LITAFD: variants seen among roughly 807,000 people sequenced by gnomAD.
LITAFD encodes lITAF domain-containing protein.
exon 1 of LITAFD, chr16:8,882,440 A>C (rs1466919418): frequency 1.3e-5 from 2 of 152,540 alleles, no homozygotes; most frequent in Non-Finnish European, 2.9e-5. Context: ...CGGAGCTCAG[A>C]ACACGGTGCT....
chr16:8,884,229 C>T (rs1037200027), intron 2 of LITAFD, 94 bp from the exon 3 acceptor site: 5 of 397,222 alleles, frequency 1.3e-5, no homozygotes, highest in Middle Eastern at 1.2e-3. Context: ...ATCTCCCCAT[C>T]TCAGGTGAGC....
chr16:8,884,070 TAAA>T (rs1004216008), intron 2 of LITAFD, among the ~76,000 whole-genome samples: 6 of 151,396 alleles, frequency 4.0e-5, no homozygotes, highest in African/African-American at 1.5e-4. Context: ...GTCTCCAAAA[TAAA>T]AAGAAAAAAG....
At chr16:8,883,635 C>T (rs988437915) in intron 2 of LITAFD, among the ~76,000 whole-genome samples, 14 of 152,176 alleles carry the variant, frequency 9.2e-5, no homozygotes, top group Non-Finnish European at 1.9e-4. Context: ...AGGGGAAGGC[C>T]GAGCCCCCCA....
chr16:8,883,648 T>G lies in LITAFD; in HGVS notation c.-34+362T>G, dbSNP rs946714685. Among the ~76,000 whole-genome samples the G allele has an allele frequency of 2.0e-5, 3 of 152,230 alleles. No individual in the cohort carries two copies. In the East Asian group the frequency reaches 5.8e-4, roughly 29 times the overall value. The stretch of plus-strand genomic sequence containing the variant: ...GGAGGGGAAGGCCGAGCCCCCCAGG[T>G]GGGGCCTGGGTTTTGGGAATTTAAA... On this transcript the variant is annotated intron_variant, in intron 2 of 3. Transcript: ENST00000636296.
chr16:8,883,266 G>C (rs1277871625), exon 2 of LITAFD: 2 of 152,300 alleles, frequency 1.3e-5, no homozygotes, highest in African/African-American at 4.8e-5. Context: ...GATGTACTTT[G>C]AAGGCCCCCA....
chr16:8,885,050 G>A (rs1416443763), intron 3 of LITAFD, 137 bp from the exon 4 acceptor site: 2 of 399,066 alleles, frequency 5.0e-6, no homozygotes, highest in Admixed American at 4.4e-5. Flanking sequence ...TCCAGCCTGG[G>A]ATACAGAGTG....
At chr16:8,883,063 T>C in intron 1 of LITAFD, 147 bp from the exon 2 acceptor site, 1 of 152,262 alleles carries the variant, frequency 6.6e-6, no homozygotes, top group East Asian at 1.9e-4. Flanking sequence ...CTCGAACTCC[T>C]GATCTCGGGT....
In LITAFD at chr16:8,885,172, G is replaced by A. The variant is rs1450580863; in HGVS notation, c.111-15G>A. ...GTGGCCCCGCTCACGCCCAGCCTCC[G>A]CTCCGGGGCTGCAGGTACGTCCTGG... is the stretch of plus-strand genomic sequence containing the variant. On this transcript the variant is annotated splice_polypyrimidine_tract_variant and intron_variant, in intron 3 of 3. Transcript: ENST00000636296. 1.5e-5 allele frequency: 6 copies of A among 399,168 alleles called. No individual in the cohort carries two copies. The highest frequency in any genetic ancestry group is 1.3e-4 in the South Asian group (1 of 7,868). 24.7% of individuals were successfully genotyped at this position (399,168 alleles called of 1,614,324 possible).
At chr16:8,884,019 C>T (rs761943762) in intron 2 of LITAFD, among the ~76,000 whole-genome samples, 5 of 152,110 alleles carry the variant, frequency 3.3e-5, no homozygotes, top group African/African-American at 4.8e-5. Context: ...GAGCTGAGAT[C>T]GCACCACTGC....
intron 1 of LITAFD, chr16:8,882,853 G>C (rs1277656682): frequency 6.6e-6 from 1 of 152,316 alleles, no homozygotes; most frequent in Non-Finnish European, 1.5e-5. Context: ...GCAGGAGGCA[G>C]AGGCTGTCCT....
At chr16:8,882,951 T>A (rs2061548321) in intron 1 of LITAFD, among the ~76,000 whole-genome samples, 1 of 152,176 alleles carries the variant, frequency 6.6e-6, no homozygotes, top group African/African-American at 2.4e-5. Flanking sequence ...TTCTCCTGCC[T>A]CGGCATCCCG....
intron 3 of LITAFD, 50 bp downstream of exon 3, chr16:8,884,515 T>TG (rs1294912398): frequency 2.8e-5 from 4 of 144,080 alleles, no homozygotes; most frequent in African/African-American, 1.0e-4. Context: ...TTGGTAGGGG[T>TG]GGGTCCGGGT....
chr16:8,884,961 G>A (rs369513428), intron 3 of LITAFD: 18 of 397,270 alleles, frequency 4.5e-5, no homozygotes, highest in East Asian at 1.1e-4. Context: ...GTGGTGGCAC[G>A]TGCCTGTAAT....
At chr16:8,885,134 C>T (rs1596339161) in intron 3 of LITAFD, 53 bp from the exon 4 acceptor site, 3 of 399,298 alleles carry the variant, frequency 7.5e-6, no homozygotes, top group Non-Finnish European at 8.8e-6. Flanking sequence ...GTGCGTCCAG[C>T]GTACAGTGAG....
In LITAFD at chr16:8,884,544, G is replaced by A. The variant is rs184459045; in HGVS notation, c.110+79G>A. The stretch of plus-strand genomic sequence containing the variant: ...TCCGGGTGGGTCCCTGCAGGGTAGG[G>A]GGAGCTTTCGGGGAAAATAGCAGGA... On this transcript the variant is annotated intron_variant, in intron 3 of 3. Coordinates refer to ENST00000636296, the Ensembl canonical transcript of LITAFD. The A allele has an allele frequency of 3.0e-4, 120 of 398,224 alleles. 2 individuals carry two copies. Among genetic ancestry groups the A allele is most frequent in the African/African-American group, 2.2e-3 (109 of 48,736 alleles). The allele number at this position is 398,224 out of a possible 1,614,324, so 24.7% of individuals were successfully genotyped here.
intron 2 of LITAFD, 120 bp from the exon 3 acceptor site, chr16:8,884,203 G>C (rs940301784): frequency 2.3e-5 from 9 of 397,102 alleles, no homozygotes; most frequent in African/African-American, 1.9e-4. Context: ...CAGGTCCCCA[G>C]TCTCCAGATC....
At chr16:8,884,613 G>C (rs1375519177) in intron 3 of LITAFD, 148 bp downstream of exon 3, 1 of 396,882 alleles carries the variant, frequency 2.5e-6, no homozygotes, top group Non-Finnish European at 4.4e-6. Context: ...TTACCTCCTT[G>C]AGAGGAGGCG....
intron 1 of LITAFD, chr16:8,882,878 C>T (rs975312450): frequency 6.6e-6 from 1 of 152,262 alleles, no homozygotes; most frequent in African/African-American, 2.4e-5. Context: ...CTGGGGCTGC[C>T]TGGCCATGTT....
rs2061555177 is a variant in LITAFD at position 8,884,367 on chromosome 16, G to C, written c.12G>C (p.Gln4His). ...TGGTGGGGACGTCCATGCCGGTGCA[G>C]GCCGTGTGTCCCTACTGTGGAAACC... Residue 4 changes from glutamine (Q) to histidine (H), a missense_variant, in exon 3 of 4, where the codon CAG becomes CAC. Physicochemically the swap from Gln to His is conservative, Grantham distance 24 (BLOSUM62 0). Coordinates refer to ENST00000636296, the Ensembl canonical transcript of LITAFD. 3 of 399,068 alleles carry C rather than the reference G, an allele frequency of 7.5e-6. No homozygotes were observed. The South Asian group carries it at 3.8e-4, about 51-fold the overall frequency. 24.7% of individuals were successfully genotyped at this position (399,068 alleles called of 1,614,324 possible).
Sources: gnomAD v4.1 joint callset for allele counts (sites outside exome capture counted in the v4.1 genomes callset) on GRCh38, gnomAD v4.1.1 for gene constraint, MANE v1.5 for transcripts, NCBI Gene and HGNC (gene_info 2026-07-23, HGNC 2026-07-21) for gene names.